Variants in PTPRT observed in about 807,000 individuals in gnomAD.
The protein encoded by PTPRT is receptor-type tyrosine-protein phosphatase T.
PTPRT carries 56 observed loss-of-function variants against 176.8 expected under a neutral mutation model. The ratio of observed to expected loss-of-function variants is 0.32; its 90% CI spans 0.26 to 0.40. The LOEUF is 0.40. Among genes scored for constraint, PTPRT ranks in the 10% least tolerant of loss-of-function variants. PTPRT has a pLI of 1.00. For synonymous variants in PTPRT, 783 were observed against 739.0 expected (o/e 1.06, Z -0.96); for missense variants, 1,540 against 1,908.2 (o/e 0.81, Z 3.60).
intron 26 of PTPRT, among the ~76,000 whole-genome samples, chr20:42,100,024 C>T (rs1985773086): frequency 6.6e-6 from 1 of 152,220 alleles, no homozygotes; most frequent in African/African-American, 2.4e-5. Flanking sequence ...GCTCCCATTT[C>T]TGAGCTACTT....
rs577673968 is a variant in PTPRT, at chr20:42,658,783, G to C, written c.1153+19083C>G. ...AGTATTCAGGATCCATAAAAACTAA[G>C]ACCATATCTATTCAATTCTATTATA... On this transcript the variant is annotated intron_variant, in intron 7 of 30. Transcript: ENST00000373187. Among the ~76,000 whole-genome samples the C allele has an allele frequency of 1.2e-4, 18 of 152,242 alleles. No individual in the cohort carries two copies. The South Asian group carries it at 3.7e-3, about 32-fold the overall frequency.
chr20:42,992,718 A>G (rs1983988384), intron 1 of PTPRT, among the ~76,000 whole-genome samples: 1 of 152,336 alleles, frequency 6.6e-6, no homozygotes, highest in Non-Finnish European at 1.5e-5. Context: ...TCAATCATTT[A>G]TGGTCTCCAT....
At chr20:42,807,024 T>C (rs490514) in intron 2 of PTPRT, among the ~76,000 whole-genome samples, 21,636 of 152,090 alleles carry the variant, frequency 0.14, 1,767 homozygotes, top group East Asian at 0.38. Flanking sequence ...GCTGCCACAA[T>C]GTCTCTGATA....
Position 42,274,581 on chromosome 20 carries a change from G to GTGTGTGTGTGTGTGTGTA in PTPRT, c.2176+7907_2176+7908insTACACACACACACACACA, listed in dbSNP as rs746699418. Among the ~76,000 whole-genome samples the GTGTGTGTGTGTGTGTGTA allele has an allele frequency of 4.5e-3, 604 of 134,130 alleles. 14 individuals are homozygous for GTGTGTGTGTGTGTGTGTA. The highest frequency in any genetic ancestry group is 0.015 in the African/African-American group (504 of 33,366). The allele number at this position is 134,130 out of a possible 152,430, so 88.0% of individuals were successfully genotyped here. On this transcript the variant is annotated intron_variant, in intron 13 of 30. Transcript: ENST00000373187. ...TGTGTGTGTGTGTGTGTGTGTGTGT[G>GTGTGTGTGTGTGTGTGTA]TGTGTGTGTGTTAGCCTGCAAAGAA...
intron 5 of PTPRT, among the ~76,000 whole-genome samples, chr20:42,768,042 C>T (rs1438139747): frequency 7.0e-6 from 1 of 142,110 alleles, no homozygotes; most frequent in East Asian, 2.1e-4. Context: ...TCTGGAGAAC[C>T]CTGACTAATA....
intron 29 of PTPRT, among the ~76,000 whole-genome samples, chr20:42,084,321 A>G (rs1298334318): frequency 6.6e-6 from 1 of 152,230 alleles, no homozygotes; most frequent in Non-Finnish European, 1.5e-5. Context: ...TAGTGTTCCT[A>G]GAGTCCTTCA....
chr20:43,006,868 C>T (rs978635558), intron 1 of PTPRT, among the ~76,000 whole-genome samples: 8 of 152,202 alleles, frequency 5.3e-5, no homozygotes, highest in South Asian at 2.1e-4. Context: ...ATTAGAACTG[C>T]GAGGCAGGGT....
At chr20:42,787,072 A>G (rs2077301870) in intron 3 of PTPRT, among the ~76,000 whole-genome samples, 1 of 152,240 alleles carries the variant, frequency 6.6e-6, no homozygotes, top group Non-Finnish European at 1.5e-5. Context: ...CAATGGCAGA[A>G]TTGAGTAATT....
In PTPRT at chr20:43,189,679, G is replaced by C; in HGVS notation, c.55C>G (p.Pro19Ala). The C allele has an allele frequency of 2.3e-6, 3 of 1,319,878 alleles. No homozygotes were observed. The highest frequency in any genetic ancestry group is 2.9e-6 in the Non-Finnish European group (3 of 1,035,858). 81.8% of individuals were successfully genotyped at this position (1,319,878 alleles called of 1,614,324 possible). ...CTCTGAGCCCGGGCGCCGGGCAGTG[G>C]CGGCAGCTGCAGCCTCAGGAGCAGG... Reference protein sequence around the residue: ...LSLLLRLQLPPLPGARAQSAA... With the variant: ...LSLLLRLQLPALPGARAQSAA... The change falls in exon 1 of 31, where the codon CCA (proline) becomes GCA (alanine). Residue 19 changes from proline to alanine, a missense_variant. Physicochemically the swap from Pro to Ala is conservative, Grantham distance 27. Coordinates refer to ENST00000373187, the MANE Select transcript of PTPRT (RefSeq NM_007050.6). This position sits in a 1 kb window ranked among gnomAD's most constrained non-coding sequence, Gnocchi z 5.0.
In PTPRT at chr20:43,088,911, C is replaced by G. The variant is rs147298677; in HGVS notation, c.88+100735G>C. On this transcript the variant is annotated intron_variant, in intron 1 of 30. Coordinates refer to ENST00000373187, the MANE Select transcript of PTPRT (RefSeq NM_007050.6). Reference sequence around the variant, plus strand: ...AGGTTCTAGATTCTAGATCCTGACTCCTATGCAAGTAGCTCGGCAAGGAGA... The same window carrying G: ...AGGTTCTAGATTCTAGATCCTGACTGCTATGCAAGTAGCTCGGCAAGGAGA... Among the ~76,000 whole-genome samples, 472 of 152,184 alleles carry G rather than the reference C, an allele frequency of 3.1e-3. 2 individuals are homozygous for G. Among genetic ancestry groups the G allele is most frequent in the African/African-American group, 0.011 (436 of 41,522 alleles).
At chr20:42,192,818 C>A (rs73262915) in intron 16 of PTPRT, among the ~76,000 whole-genome samples, 1 of 152,158 alleles carries the variant, frequency 6.6e-6, no homozygotes, top group Non-Finnish European at 1.5e-5. Flanking sequence ...CTTTGGGATG[C>A]GTAAGGATGG....
Position 42,775,334 on chromosome 20 carries a change from C to T in PTPRT, c.569-3784G>A, listed in dbSNP as rs148651850. 2.8e-3 allele frequency among the ~76,000 whole-genome samples: 423 copies of T among 152,294 alleles called. 13 individuals carry two copies. In the East Asian group the frequency reaches 0.072, roughly 26 times the overall value. ...ACACAATTGTGGAGAAAGCCCAGTA[C>T]GCACATTAGAAACATGTTGCAGATG... On this transcript the variant is annotated intron_variant, in intron 4 of 30. Coordinates refer to ENST00000373187, the MANE Select transcript of PTPRT (RefSeq NM_007050.6).
At position 42,084,794 on chromosome 20, in the gene PTPRT, C is replaced by A; in HGVS notation, c.4024G>T (p.Ala1342Ser). 6.5e-7 allele frequency: 1 copy of A among 1,548,842 alleles called. No homozygotes were observed. The highest frequency in any genetic ancestry group is 1.3e-5 in the South Asian group (1 of 76,870). The change falls in exon 29 of 31, where the codon GCC becomes TCC. Residue 1342 changes from alanine to serine, a missense_variant. Physicochemically the swap from Ala to Ser is moderately conservative, Grantham distance 99 (BLOSUM62 1). Coordinates refer to ENST00000373187, the MANE Select transcript of PTPRT (RefSeq NM_007050.6). The stretch of plus-strand genomic sequence containing the variant: ...TTGGAGGGGGGCGTGTCCCGGTAGG[C>A]AGGCCAGCCAATGTACTGGAGGTGC... ...VQHLQYIGWP[A>S]YRDTPPSKRS...
chr20:42,415,872 G>A (rs1600986624), intron 9 of PTPRT, among the ~76,000 whole-genome samples: 1 of 152,232 alleles, frequency 6.6e-6, no homozygotes, highest in South Asian at 2.1e-4. Context: ...ATGAACATAA[G>A]AGACCTCTAT....
At chr20:42,818,571 G>A (rs1391153374) in intron 2 of PTPRT, among the ~76,000 whole-genome samples, 1 of 152,154 alleles carries the variant, frequency 6.6e-6, no homozygotes, top group Non-Finnish European at 1.5e-5. Context: ...GGCCTCAGAA[G>A]ATGGGTAATG....
intron 1 of PTPRT, among the ~76,000 whole-genome samples, chr20:43,164,014 G>C (rs1483798817): frequency 6.6e-6 from 1 of 152,034 alleles, no homozygotes; most frequent in Non-Finnish European, 1.5e-5. Context: ...TTTTACCTTT[G>C]GTATATATGT....
At chr20:42,621,700 C>A (rs530623080) in intron 7 of PTPRT, among the ~76,000 whole-genome samples, 36 of 152,302 alleles carry the variant, frequency 2.4e-4, no homozygotes, top group African/African-American at 8.4e-4. Flanking sequence ...CAAGCTCTTT[C>A]CCTTCTCTTT....
In PTPRT at chr20:42,946,036, C is replaced by T. The variant is rs73907424; in HGVS notation, c.89-60104G>A. 4.0e-3 allele frequency among the ~76,000 whole-genome samples: 612 copies of T among 152,310 alleles called. 2 individuals carry two copies. The highest frequency in any genetic ancestry group is 0.014 in the African/African-American group (584 of 41,558). On this transcript the variant is annotated intron_variant, in intron 1 of 30. Transcript: ENST00000373187. The stretch of plus-strand genomic sequence containing the variant: ...CACTTAGAATAATGTTCTAGAGGTT[C>T]ATCCACAATATAGCTGGGATCACTA...
intron 1 of PTPRT, among the ~76,000 whole-genome samples, chr20:42,985,169 G>A (rs572294934): frequency 2.6e-5 from 4 of 152,160 alleles, no homozygotes; most frequent in South Asian, 2.1e-4. Flanking sequence ...ACATTTTTAC[G>A]ACTCAGCAAC....
Sources: allele counts gnomAD v4.1 joint callset (sites outside exome capture counted in the v4.1 genomes callset), GRCh38; gene constraint gnomAD v4.1.1; non-coding constraint Gnocchi (gnomAD v3.1); transcripts MANE v1.5; gene names NCBI Gene and HGNC (gene_info 2026-07-23, HGNC 2026-07-21).